COL22A1: variants seen among roughly 807,000 people sequenced by gnomAD.
COL22A1 encodes collagen type XXII alpha 1 chain.
COL22A1 carries 221 observed loss-of-function variants against 248.9 expected under a neutral mutation model. The ratio of observed to expected loss-of-function variants is 0.89; its 90% CI spans 0.80 to 0.99. COL22A1 has a LOEUF of 0.99. Ranked by LOEUF, COL22A1 falls within the 50% of genes least tolerant of loss-of-function variation. The pLI is 0.00. For synonymous variants in COL22A1, 891 were observed against 793.4 expected, an observed-to-expected ratio of 1.12 and a Z score of -2.07; for missense variants, 2,240 against 2,179.0, an observed-to-expected ratio of 1.03 and a Z score of -0.56.
intron 51 of COL22A1, 75 bp downstream of exon 51, chr8:138,626,115 A>C (rs530936866): frequency 1.7e-6 from 2 of 1,178,778 alleles, no homozygotes; most frequent in African/African-American, 3.1e-5. Context: ...ACAGTGGAAT[A>C]TATTTTTGTT....
rs1372173528 is a variant in COL22A1 at position 138,836,280 on chromosome 8, GAAGAA to G, written c.734-3135_734-3131del. Reference sequence around the variant, plus strand: ...AGAGAGACTCTGTTGCAAAGAAAAAGAAGAAAAGAAAAGGAAAGGAAAGGGAAAGG... The same window carrying G: ...AGAGAGACTCTGTTGCAAAGAAAAAGAAGAAAAGGAAAGGAAAGGGAAAGG... On this transcript the variant is annotated intron_variant, in intron 4 of 64. Transcript: ENST00000303045. Among the ~76,000 whole-genome samples the G allele has an allele frequency of 1.5e-4, 23 of 151,570 alleles. No individual in the cohort carries two copies. The East Asian group carries it at 4.1e-3, about 27-fold the overall frequency.
At chr8:138,646,503 C>A in intron 47 of COL22A1, 126 bp downstream of exon 47, 1 of 668,270 alleles carries the variant, frequency 1.5e-6, no homozygotes, top group Non-Finnish European at 2.4e-6. Context: ...ATGCTTAGAC[C>A]CAGAACAGGG....
At chr8:138,859,732 G>A (rs1822310529) in intron 3 of COL22A1, among the ~76,000 whole-genome samples, 1 of 152,086 alleles carries the variant, frequency 6.6e-6, no homozygotes, top group African/African-American at 2.4e-5. Flanking sequence ...GTAGACTGAG[G>A]TCACCTCTGA....
rs1010813300 is a variant in COL22A1, at chr8:138,649,777, T to TC, written c.3334dup (p.Asp1112GlyfsTer5). The stretch of plus-strand genomic sequence containing the variant: ...GCCAGGAGGGCAGTCATTGCACACA[T>TC]CCTGAGAGTGGGGAGAGAGGTGGGG... On this transcript the variant is annotated frameshift_variant and splice_region_variant, in exon 46 of 65. Coordinates refer to ENST00000303045, the MANE Select transcript of COL22A1 (RefSeq NM_152888.3). LOFTEE classifies it high-confidence loss of function. 2.6e-6 allele frequency: 4 copies of TC among 1,564,426 alleles called. No individual in the cohort carries two copies. The African/African-American group carries it at 5.5e-5, about 22-fold the overall frequency.
intron 3 of COL22A1, among the ~76,000 whole-genome samples, chr8:138,865,895 G>C (rs1451574562): frequency 7.3e-5 from 11 of 151,366 alleles, no homozygotes; most frequent in African/African-American, 2.4e-4. Context: ...GTATGTGTGT[G>C]CCTATTTGTA....
rs775148644 is a variant in COL22A1, at chr8:138,653,181, A to C, written c.3333+2716T>G. On this transcript the variant is annotated intron_variant, in intron 45 of 64. Coordinates refer to ENST00000303045, the MANE Select transcript of COL22A1 (RefSeq NM_152888.3). The stretch of plus-strand genomic sequence containing the variant: ...GAGAAAATAACAGTCATTGCTTCCC[A>C]GGAGAGGAAATGACCTCTAGGTCAT... Among the ~76,000 whole-genome samples, 4 of 152,322 alleles carry C rather than the reference A, an allele frequency of 2.6e-5. 1 individual carries two copies. The highest frequency in any genetic ancestry group is 4.1e-4 in the South Asian group (2 of 4,830).
chr8:138,610,070 C>A (rs1250793845), intron 56 of COL22A1, among the ~76,000 whole-genome samples: 2 of 152,238 alleles, frequency 1.3e-5, no homozygotes, highest in Admixed American at 6.5e-5. Flanking sequence ...GAGCTGCAGG[C>A]TCTTGAATGA....
chr8:138,685,115 T>A, intron 38 of COL22A1, 93 bp downstream of exon 38: 1 of 909,766 alleles, frequency 1.1e-6, no homozygotes, highest in Non-Finnish European at 1.8e-6. Context: ...CGGTTCAATT[T>A]CTGCAAAGTT....
At chr8:138,794,757 G>C (rs1276935999) in intron 12 of COL22A1, among the ~76,000 whole-genome samples, 1 of 152,074 alleles carries the variant, frequency 6.6e-6, no homozygotes. Context: ...TGTCATTTTT[G>C]ACAACATGAA....
intron 50 of COL22A1, among the ~76,000 whole-genome samples, chr8:138,626,550 G>T (rs1009782613): frequency 6.6e-6 from 1 of 152,210 alleles, no homozygotes; most frequent in African/African-American, 2.4e-5. Flanking sequence ...TCGGGTTTTA[G>T]TATCCACAAG....
rs201779207 is a variant in COL22A1, at chr8:138,720,808, A to G, written c.2302-16T>C. The G allele has an allele frequency of 1.1e-5, 17 of 1,607,654 alleles. No individual in the cohort carries two copies. The highest frequency in any genetic ancestry group is 1.4e-5 in the Non-Finnish European group (17 of 1,174,590). On this transcript the variant is annotated splice_polypyrimidine_tract_variant and intron_variant, in intron 26 of 64. Coordinates refer to ENST00000303045, the MANE Select transcript of COL22A1 (RefSeq NM_152888.3). ...CTGGTTCTCCCTGGAAGGAATACAG[A>G]GCAAAGTTAACAGGAGACGGGCCAT... is the stretch of plus-strand genomic sequence containing the variant.
chr8:138,600,113 G>T (rs900315587), intron 60 of COL22A1, among the ~76,000 whole-genome samples: 2 of 152,214 alleles, frequency 1.3e-5, no homozygotes, highest in African/African-American at 4.8e-5. Context: ...CCCAGAGCTG[G>T]AAGTGCGGGA....
chr8:138,911,113 G>A (rs1346676416), intron 1 of COL22A1, among the ~76,000 whole-genome samples: 1 of 152,220 alleles, frequency 6.6e-6, no homozygotes, highest in Non-Finnish European at 1.5e-5. Flanking sequence ...CATCCCATCT[G>A]TCTGAATGCC....
At chr8:138,601,454 C>T (rs1002989252) in intron 60 of COL22A1, among the ~76,000 whole-genome samples, 4 of 152,034 alleles carry the variant, frequency 2.6e-5, no homozygotes, top group South Asian at 2.1e-4. Flanking sequence ...GTGCCTGGGA[C>T]GTCCATGTCC....
intron 1 of COL22A1, among the ~76,000 whole-genome samples, chr8:138,888,505 T>C (rs534820879): frequency 6.6e-6 from 1 of 152,306 alleles, no homozygotes; most frequent in African/African-American, 2.4e-5. Flanking sequence ...ATGACAGGCA[T>C]GCAGGTTGCT....
intron 58 of COL22A1, among the ~76,000 whole-genome samples, chr8:138,605,982 T>A (rs1257784951): frequency 6.6e-6 from 1 of 152,174 alleles, no homozygotes; most frequent in Non-Finnish European, 1.5e-5. Flanking sequence ...AACACCATTG[T>A]CCCACCACAT....
intron 1 of COL22A1, among the ~76,000 whole-genome samples, chr8:138,888,917 G>A (rs564336294): frequency 2.0e-5 from 3 of 152,264 alleles, no homozygotes; most frequent in East Asian, 1.9e-4. Context: ...AATGATGAAC[G>A]GCCAGCATCT....
intron 33 of COL22A1, 80 bp downstream of exon 33, chr8:138,694,746 A>T: frequency 6.5e-7 from 1 of 1,531,106 alleles, no homozygotes. Context: ...TGCACGGTGC[A>T]GATCTACAGC....
chr8:138,786,454 G>C (rs534006129), intron 12 of COL22A1, among the ~76,000 whole-genome samples: 1 of 152,246 alleles, frequency 6.6e-6, no homozygotes, highest in Admixed American at 6.5e-5. Flanking sequence ...TGAAAACTTT[G>C]CCCCAAGAGA....
Sources: allele counts gnomAD v4.1 joint callset (sites outside exome capture counted in the v4.1 genomes callset), GRCh38; gene constraint gnomAD v4.1.1; transcripts MANE v1.5; gene names NCBI Gene and HGNC (gene_info 2026-07-23, HGNC 2026-07-21).